Variants in LIFR observed in about 807,000 individuals in gnomAD.
The protein encoded by LIFR is LIF receptor subunit alpha, also known as leukemia inhibitory factor receptor.
In LIFR, 84 loss-of-function variants were observed where a neutral mutation model predicts 122.2. The observed-to-expected ratio is 0.69, with a 90% CI of 0.58 to 0.82. LIFR has a LOEUF of 0.82. Ranked by LOEUF, LIFR falls within the 40% of genes least tolerant of loss-of-function variation. The probability of loss-of-function intolerance (pLI) is 0.00; values close to 1 mark genes in which losing one functional copy is unlikely to be tolerated. For synonymous variants in LIFR, 422 were observed against 434.7 expected (o/e 0.97, Z 0.36); for missense variants, 1,294 against 1,311.6 (o/e 0.99, Z 0.21).
intron 1 of LIFR, among the ~76,000 whole-genome samples, chr5:38,540,245 A>T (rs1204578280): frequency 6.6e-6 from 1 of 152,116 alleles, no homozygotes; most frequent in Non-Finnish European, 1.5e-5. Context: ...ATCATAAGAA[A>T]CTTACGGTTG....
chr5:38,542,512 C>A (rs1239645052), intron 1 of LIFR, among the ~76,000 whole-genome samples: 1 of 152,134 alleles, frequency 6.6e-6, no homozygotes, highest in Non-Finnish European at 1.5e-5. Flanking sequence ...TCTAACCGGT[C>A]TCAGGACTTC....
Position 38,591,375 on chromosome 5 carries a change from A to G in LIFR, c.-20+3886T>C, listed in dbSNP as rs1310852508. Among the ~76,000 whole-genome samples the G allele has an allele frequency of 2.0e-5, 3 of 152,204 alleles. No individual in the cohort carries two copies. In the East Asian group the frequency reaches 5.8e-4, roughly 29 times the overall value. ...TTTAGTACAACTCACACTTTTTTGT[A>G]TGCAAAGATTTCCCACTGCTCATAT... is the stretch of plus-strand genomic sequence containing the variant. On this transcript the variant is annotated intron_variant, in intron 1 of 19. Transcript: ENST00000263409.
At chr5:38,595,298 T>G (rs896091880) in exon 1 of LIFR, 2 of 153,368 alleles carry the variant, frequency 1.3e-5, no homozygotes, top group African/African-American at 4.8e-5. Flanking sequence ...GCTCCCTTTC[T>G]GAGCTGGGAT....
chr5:38,576,013 G>T (rs1219991494), intron 1 of LIFR, among the ~76,000 whole-genome samples: 1 of 152,150 alleles, frequency 6.6e-6, no homozygotes, highest in African/African-American at 2.4e-5. Flanking sequence ...GATGGGGGAA[G>T]GGCATCATAA....
rs1203173516 is a variant in LIFR at position 38,480,043 on chromosome 5, T to C, written c.*1552A>G. 2 of 224,084 alleles carry C rather than the reference T, an allele frequency of 8.9e-6. No individual in the cohort carries two copies. The highest frequency in any genetic ancestry group is 2.2e-5 in the African/African-American group (1 of 44,828). The allele number at this position is 224,084 out of a possible 1,614,324, so 13.9% of individuals were successfully genotyped here. On this transcript the variant is annotated 3_prime_UTR_variant, in exon 20 of 20. Transcript: ENST00000453190. ...TTCCACAACATGGTTTTTAAAAAGA[T>C]ACAATATGAGCTTCAAAAAAAATTA... is the stretch of plus-strand genomic sequence containing the variant.
rs577400565 is a variant in LIFR, at chr5:38,475,142, G to A, written c.*6453C>T. Reference sequence around the variant, plus strand: ...TTTTCTATGTTTTTGCTATAATCATGTTTTCCAAAAGATACAGAAACTAAA... The same window carrying A: ...TTTTCTATGTTTTTGCTATAATCATATTTTCCAAAAGATACAGAAACTAAA... On this transcript the variant is annotated 3_prime_UTR_variant, in exon 20 of 20. Coordinates refer to ENST00000453190, the MANE Select transcript of LIFR (RefSeq NM_001127671.2). 2 of 181,724 alleles carry A rather than the reference G, an allele frequency of 1.1e-5. No homozygotes were observed. Among genetic ancestry groups the A allele is most frequent in the South Asian group, 2.0e-4 (1 of 5,070 alleles). 11.3% of individuals were successfully genotyped at this position (181,724 alleles called of 1,614,324 possible).
chr5:38,523,386 T>C (rs777382857), intron 5 of LIFR, 33 bp downstream of exon 5: 2 of 1,568,148 alleles, frequency 1.3e-6, no homozygotes, highest in South Asian at 1.1e-5. Context: ...GTTTCTTTAA[T>C]GTCATAGGAA....
chr5:38,487,017 T>C (rs894083144), intron 16 of LIFR, among the ~76,000 whole-genome samples: 1 of 152,086 alleles, frequency 6.6e-6, no homozygotes, highest in Non-Finnish European at 1.5e-5. Flanking sequence ...TCTTCCCATA[T>C]CCTCCAATGT....
intron 1 of LIFR, 86 bp from the exon 2 acceptor site, chr5:38,530,752 C>G (rs1212198691): frequency 8.7e-7 from 1 of 1,152,926 alleles, no homozygotes; most frequent in Non-Finnish European, 1.3e-6. Flanking sequence ...CAAATAGATT[C>G]TGACAGATTC....
intron 1 of LIFR, chr5:38,550,282 T>C (rs938470766): frequency 6.5e-5 from 61 of 945,376 alleles, no homozygotes; most frequent in Non-Finnish European, 7.4e-5. Context: ...AGCTGAGCTA[T>C]TGATAAAGCA....
chr5:38,528,931 C>A, intron 2 of LIFR, 91 bp from the exon 3 acceptor site: 1 of 808,930 alleles, frequency 1.2e-6, no homozygotes, highest in South Asian at 1.5e-5. Flanking sequence ...TCTAAAAAGT[C>A]AACCATTTTC....
intron 17 of LIFR, 50 bp from the exon 18 acceptor site, chr5:38,484,918 T>A (rs1389642030): frequency 8.1e-7 from 1 of 1,238,270 alleles, no homozygotes; most frequent in Admixed American, 1.7e-5. Flanking sequence ...TAGTGTGAAG[T>A]ACAGAATAGA....
At chr5:38,538,376 C>T (rs1010524705) in intron 1 of LIFR, among the ~76,000 whole-genome samples, 2 of 152,176 alleles carry the variant, frequency 1.3e-5, no homozygotes, top group Non-Finnish European at 1.5e-5. Context: ...ACAGATTAAC[C>T]ATTCACTAGA....
At chr5:38,562,586 G>A (rs1159427661) in intron 1 of LIFR, among the ~76,000 whole-genome samples, 1 of 152,186 alleles carries the variant, frequency 6.6e-6, no homozygotes, top group African/African-American at 2.4e-5. Context: ...ATTATTGAAT[G>A]TATTCCTATG....
rs757731669 is a variant in LIFR, at chr5:38,511,867, A to G, written c.659T>C (p.Ile220Thr). The G allele has an allele frequency of 1.9e-5, 30 of 1,614,044 alleles. No homozygotes were observed. Among genetic ancestry groups the G allele is most frequent in the Non-Finnish European group, 2.2e-5 (26 of 1,180,004 alleles). Residue 220 changes from isoleucine to threonine, a missense_variant, in exon 6 of 20, where the codon ATT becomes ACT. By Grantham distance (89) the Ile-to-Thr change is moderately conservative. Transcript: ENST00000453190. ...ATGAAGATTGTCAATGTAGCATCTA[A>G]TTTCCACAAAATGAATGGCACATTC... is the stretch of plus-strand genomic sequence containing the variant. ...PLECAIHFVEIRCYIDNLHFS... is the reference protein window; with the variant it reads ...PLECAIHFVETRCYIDNLHFS...
intron 1 of LIFR, among the ~76,000 whole-genome samples, chr5:38,582,003 T>G (rs1000194485): frequency 6.6e-6 from 1 of 152,146 alleles, no homozygotes; most frequent in Non-Finnish European, 1.5e-5. Context: ...CTTGCAAGCC[T>G]CACTTCTAAG....
At chr5:38,530,857 G>C (rs559661954) in intron 1 of LIFR, 191 bp from the exon 2 acceptor site, 1 of 563,106 alleles carries the variant, frequency 1.8e-6, no homozygotes, top group Non-Finnish European at 3.2e-6. Flanking sequence ...TGTTGCTTTA[G>C]GTATCTACTA....
chr5:38,551,983 C>T (rs1748229048), intron 1 of LIFR, among the ~76,000 whole-genome samples: 1 of 152,188 alleles, frequency 6.6e-6, no homozygotes, highest in Admixed American at 6.5e-5. Flanking sequence ...ATCTAAGCCT[C>T]TAAATTTACC....
chr5:38,565,129 T>G (rs1748978309), intron 1 of LIFR, among the ~76,000 whole-genome samples: 1 of 152,212 alleles, frequency 6.6e-6, no homozygotes, highest in Admixed American at 6.5e-5. Context: ...ATATTCAGTA[T>G]TGAGCCTTGG....
Sources: gnomAD v4.1 joint callset for allele counts (sites outside exome capture counted in the v4.1 genomes callset) on GRCh38, gnomAD v4.1.1 for gene constraint, MANE v1.5 for transcripts, NCBI Gene and HGNC (gene_info 2026-07-23, HGNC 2026-07-21) for gene names.